Variants in SCD5 observed in about 807,000 individuals in gnomAD.
SCD5 encodes the protein stearoyl-CoA desaturase 5.
A neutral mutation model predicts 30.4 loss-of-function variants in SCD5; 20 were observed. The ratio of observed to expected loss-of-function variants is 0.66; its 90% CI spans 0.46 to 0.96. SCD5 has a LOEUF of 0.96. Among genes scored for constraint, SCD5 ranks in the 40% least tolerant of loss-of-function variants. SCD5 has a pLI of 0.00. For synonymous variants in SCD5, 173 were observed against 176.4 expected (o/e 0.98, Z 0.16); for missense variants, 381 against 443.3 (o/e 0.86, Z 1.26).
chr4:82,778,102 C>A (rs1721792390), intron 1 of SCD5, among the ~76,000 whole-genome samples: 1 of 152,128 alleles, frequency 6.6e-6, no homozygotes, highest in Non-Finnish European at 1.5e-5. Context: ...TTACCCTCAG[C>A]AGACTAACAC....
At chr4:82,712,045 T>C (rs1447788788) in intron 1 of SCD5, among the ~76,000 whole-genome samples, 3 of 150,870 alleles carry the variant, frequency 2.0e-5, no homozygotes, top group African/African-American at 4.9e-5. Context: ...TTTAAGCACT[T>C]TATACACAGT....
intron 1 of SCD5, among the ~76,000 whole-genome samples, chr4:82,721,212 G>A (rs1366289067): frequency 6.6e-6 from 1 of 152,058 alleles, no homozygotes. Flanking sequence ...TCAAAGGACT[G>A]CCCCGTTTCG....
chr4:82,753,421 G>A (rs771956569), intron 1 of SCD5: 1 of 530,014 alleles, frequency 1.9e-6, no homozygotes, highest in South Asian at 1.4e-5. Flanking sequence ...GCCAGTGGCA[G>A]GGCTGAATTT....
At chr4:82,757,352 T>C (rs1578055291) in intron 1 of SCD5, among the ~76,000 whole-genome samples, 2 of 152,294 alleles carry the variant, frequency 1.3e-5, no homozygotes, top group East Asian at 3.9e-4. Context: ...TGGGTTCCCA[T>C]AGCCCTGTGC....
rs1392080322 is a variant in SCD5, at chr4:82,636,801, G to A, written c.592C>T (p.Leu198Phe). Residue 198 changes from leucine to phenylalanine, a missense_variant, in exon 4 of 5, where the codon CTC (leucine) becomes TTC (phenylalanine). Leu to Phe is a conservative substitution (Grantham distance 22). Coordinates refer to ENST00000319540, the MANE Select transcript of SCD5 (RefSeq NM_001037582.3). ...AGCGTGGGGACCACAAAGCACATGA[G>A]CACCACGGAGATCTTATAGTACCTA... ...QRKYYKISVVLMCFVVPTLVP... is the reference protein window; with the variant it reads ...QRKYYKISVVFMCFVVPTLVP... 2 of 1,613,508 alleles carry A rather than the reference G, an allele frequency of 1.2e-6. No homozygotes were observed. Among genetic ancestry groups the A allele is most frequent in the Admixed American group, 1.7e-5 (1 of 59,938 alleles).
chr4:82,680,333 A>C (rs916237622), intron 3 of SCD5, among the ~76,000 whole-genome samples: 2 of 152,198 alleles, frequency 1.3e-5, no homozygotes, highest in Admixed American at 1.3e-4. Flanking sequence ...TTTTGGAGTC[A>C]AGTAGAGTCA....
At chr4:82,665,500 G>A (rs556701243) in intron 3 of SCD5, among the ~76,000 whole-genome samples, 79 of 152,080 alleles carry the variant, frequency 5.2e-4, no homozygotes, top group African/African-American at 1.8e-3. Flanking sequence ...ATCACACAAT[G>A]ATACAAATCA....
At chr4:82,728,762 G>A (rs1308049255) in intron 1 of SCD5, among the ~76,000 whole-genome samples, 1 of 152,102 alleles carries the variant, frequency 6.6e-6, no homozygotes, top group Non-Finnish European at 1.5e-5. Context: ...CCTTCAGGGA[G>A]ACCAATGTGA....
chr4:82,747,508 A>G (rs1308944027), intron 1 of SCD5, among the ~76,000 whole-genome samples: 2 of 152,202 alleles, frequency 1.3e-5, no homozygotes, highest in African/African-American at 2.4e-5. Flanking sequence ...TCCAAACCTC[A>G]CTTACGTTTC....
chr4:82,718,373 G>A (rs1478877762), intron 1 of SCD5, among the ~76,000 whole-genome samples: 7 of 151,812 alleles, frequency 4.6e-5, no homozygotes, highest in South Asian at 4.2e-4. Context: ...GTTTCTCTCC[G>A]TCCTCATCTC....
Position 82,798,088 on chromosome 4 carries a change from G to GT in SCD5, c.232+217_232+218insA, listed in dbSNP as rs1722267507. On this transcript the variant is annotated intron_variant, in intron 1 of 4. Transcript: ENST00000319540. Reference sequence around the variant, plus strand: ...GGCAGACCGCGGCGGGGTGGGGGCGGGGGGGGGGCGGAAGTTGAAATACTG... The same window carrying GT: ...GGCAGACCGCGGCGGGGTGGGGGCGGTGGGGGGGGCGGAAGTTGAAATACTG... 1.6e-3 allele frequency among the ~76,000 whole-genome samples: 26 copies of GT among 16,728 alleles called. 1 individual carries two copies. Among genetic ancestry groups the GT allele is most frequent in the African/African-American group, 2.4e-3 (25 of 10,604 alleles). 11.0% of individuals were successfully genotyped at this position (16,728 alleles called of 152,430 possible).
chr4:82,790,595 C>T (rs572366425), intron 1 of SCD5, among the ~76,000 whole-genome samples: 2 of 152,300 alleles, frequency 1.3e-5, no homozygotes, highest in East Asian at 3.9e-4. Flanking sequence ...CACTGATTCT[C>T]GGTCCCATGG....
chr4:82,654,619 G>A (rs1455115308), intron 3 of SCD5, among the ~76,000 whole-genome samples: 1 of 152,118 alleles, frequency 6.6e-6, no homozygotes, highest in African/African-American at 2.4e-5. Context: ...TCTAGACATT[G>A]GCTCTCCATC....
intron 2 of SCD5, among the ~76,000 whole-genome samples, chr4:82,700,942 C>T (rs1293788198): frequency 2.6e-5 from 4 of 151,318 alleles, no homozygotes; most frequent in African/African-American, 9.7e-5. Flanking sequence ...CCTGGATCTA[C>T]ATAAGTGAAG....
At chr4:82,678,271 C>T (rs1728477733) in intron 3 of SCD5, among the ~76,000 whole-genome samples, 1 of 152,094 alleles carries the variant, frequency 6.6e-6, no homozygotes, top group South Asian at 2.1e-4. Context: ...GATGACTATT[C>T]AGGGAACTTG....
rs115083906 is a variant in SCD5 at position 82,651,160 on chromosome 4, G to A, written c.570-14337C>T. ...ACACAGATGGTAGTTGGACAAGAGG[G>A]CCTTACAGACCCTCTGAAAGGGTCT... On this transcript the variant is annotated intron_variant, in intron 3 of 4. Transcript: ENST00000319540. Among the ~76,000 whole-genome samples the A allele has an allele frequency of 4.4e-3, 666 of 152,256 alleles. 6 individuals carry two copies. The highest frequency in any genetic ancestry group is 0.015 in the African/African-American group (625 of 41,550).
chr4:82,789,925 T>G (rs1451929053), intron 1 of SCD5, among the ~76,000 whole-genome samples: 1 of 152,214 alleles, frequency 6.6e-6, no homozygotes, highest in Non-Finnish European at 1.5e-5. Context: ...GAGTTTGTGA[T>G]AGCCTTAGGG....
chr4:82,725,718 G>A (rs190790141), intron 1 of SCD5, among the ~76,000 whole-genome samples: 3 of 152,114 alleles, frequency 2.0e-5, no homozygotes, highest in African/African-American at 7.2e-5. Context: ...AAATTAGCTG[G>A]GCCTGGTGGT....
chr4:82,683,838 T>G (rs552327594), intron 2 of SCD5, among the ~76,000 whole-genome samples: 4 of 152,340 alleles, frequency 2.6e-5, no homozygotes, highest in African/African-American at 9.6e-5. Context: ...AGACATAGCT[T>G]GCTTCTCCTT....
Sources: allele counts gnomAD v4.1 joint callset (sites outside exome capture counted in the v4.1 genomes callset), GRCh38; gene constraint gnomAD v4.1.1; transcripts MANE v1.5; gene names NCBI Gene and HGNC (gene_info 2026-07-23, HGNC 2026-07-21).